The following USP15 variants were observed in gnomAD, a reference collection of about 807,000 sequenced individuals.
USP15 encodes the protein ubiquitin carboxyl-terminal hydrolase 15.
In USP15, 18 loss-of-function variants were observed where a neutral mutation model predicts 127.1. The observed-to-expected ratio is 0.14, with a 90% CI of 0.10 to 0.21. USP15 has a LOEUF of 0.21. USP15 is among the 10% of genes least tolerant of loss of function. USP15 has a pLI of 1.00. For missense variants in USP15, 805 were observed against 1,159.9 expected, an observed-to-expected ratio of 0.69 and a Z score of 4.44; for synonymous variants, 364 against 393.7, an observed-to-expected ratio of 0.92 and a Z score of 0.89.
At chr12:62,372,080 A>T (rs2066690710) in intron 8 of USP15, among the ~76,000 whole-genome samples, 1 of 152,172 alleles carries the variant, frequency 6.6e-6, no homozygotes, top group South Asian at 2.1e-4. Flanking sequence ...TCTTTCACAC[A>T]CCTGGTTTGC....
chr12:62,312,095 T>A (rs1413093192), intron 3 of USP15, among the ~76,000 whole-genome samples: 1 of 151,756 alleles, frequency 6.6e-6, no homozygotes, highest in Non-Finnish European at 1.5e-5. Context: ...CGTTATCTGT[T>A]CTCACTCAGG....
At chr12:62,350,832 C>T (rs2065947248) in intron 7 of USP15, among the ~76,000 whole-genome samples, 2 of 152,068 alleles carry the variant, frequency 1.3e-5, no homozygotes, top group Non-Finnish European at 1.5e-5. Context: ...CACTATGTTG[C>T]CCATGCTGGT....
At chr12:62,381,405 A>G (rs549998988) in intron 8 of USP15, 85 bp from the exon 9 acceptor site, 321 of 1,204,960 alleles carry the variant, frequency 2.7e-4, no homozygotes, top group Middle Eastern at 5.8e-4. Context: ...TAGCAAATCA[A>G]TTTGTTTCTC....
rs180736931 is a variant in USP15, at chr12:62,342,675, G to A, written c.684-6546G>A. On this transcript the variant is annotated intron_variant, in intron 6 of 21. Coordinates refer to ENST00000280377, the MANE Select transcript of USP15 (RefSeq NM_001252078.2). ...CGGGCCCCTCTTCTGCAGGTCTGCT[G>A]CAGTTTGCTGGAGGTCTACTCCAGA... Among the ~76,000 whole-genome samples the A allele has an allele frequency of 2.6e-5, 4 of 152,244 alleles. No individual in the cohort carries two copies. In the East Asian group the frequency reaches 7.8e-4, roughly 30 times the overall value.
At chr12:62,401,705 A>G (rs902102517) in intron 21 of USP15, among the ~76,000 whole-genome samples, 2 of 151,822 alleles carry the variant, frequency 1.3e-5, no homozygotes, top group African/African-American at 4.8e-5. Context: ...ACTCAAAATG[A>G]CATAATTAGA....
intron 2 of USP15, 58 bp downstream of exon 2, chr12:62,294,364 G>A (rs557709858): frequency 8.0e-5 from 124 of 1,558,950 alleles, no homozygotes; most frequent in Non-Finnish European, 9.6e-5. Flanking sequence ...TTATATAAAT[G>A]TCAGTGGGTT....
At chr12:62,394,426 A>G (rs1212388836) in intron 19 of USP15, among the ~76,000 whole-genome samples, 1 of 152,240 alleles carries the variant, frequency 6.6e-6, no homozygotes, top group Non-Finnish European at 1.5e-5. Flanking sequence ...TACTCATTCT[A>G]ATTGGTGGCT....
At chr12:62,393,497 A>G (rs1450350972) in intron 19 of USP15, 1 of 227,240 alleles carries the variant, frequency 4.4e-6, no homozygotes. Context: ...TAAATCTAAG[A>G]TACTTTATGG....
intron 7 of USP15, among the ~76,000 whole-genome samples, chr12:62,350,437 G>A (rs1357284590): frequency 6.6e-6 from 1 of 152,016 alleles, no homozygotes; most frequent in African/African-American, 2.4e-5. Context: ...TCATATCTGA[G>A]AATTCTTCTC....
intron 8 of USP15, among the ~76,000 whole-genome samples, chr12:62,362,027 A>G (rs1357269834): frequency 1.3e-5 from 2 of 151,954 alleles, no homozygotes; most frequent in Non-Finnish European, 2.9e-5. Context: ...ATTTTTTTAT[A>G]TTGTTTTTCA....
chr12:62,370,833 T>TA (rs922408507), intron 8 of USP15, among the ~76,000 whole-genome samples: 5 of 152,194 alleles, frequency 3.3e-5, no homozygotes, highest in Non-Finnish European at 7.4e-5. Context: ...ACATGTAACT[T>TA]AAACTCAAGA....
At chr12:62,360,870 C>T (rs1310250800) in intron 8 of USP15, among the ~76,000 whole-genome samples, 1 of 151,754 alleles carries the variant, frequency 6.6e-6, no homozygotes, top group East Asian at 1.9e-4. Context: ...ATGTTATGTG[C>T]CAGAAATTAC....
At chr12:62,391,514 C>T (rs964856103) in intron 16 of USP15, 85 bp downstream of exon 16, 2 of 1,510,920 alleles carry the variant, frequency 1.3e-6, no homozygotes, top group Non-Finnish European at 1.8e-6. Flanking sequence ...AAATTCAGCT[C>T]TGTCAAGAAA....
chr12:62,269,117 C>A (rs1161970184), intron 1 of USP15, among the ~76,000 whole-genome samples: 2 of 152,090 alleles, frequency 1.3e-5, no homozygotes, highest in African/African-American at 4.8e-5. Context: ...AGTCATGAGT[C>A]ACTTAATGAC....
intron 3 of USP15, 47 bp from the exon 4 acceptor site, chr12:62,314,743 A>C (rs757065602): frequency 7.0e-7 from 1 of 1,424,928 alleles, no homozygotes; most frequent in Admixed American, 2.6e-5. Context: ...TTAGAGTGAA[A>C]TATATTGATA....
At chr12:62,396,629 G>T (rs573784311) in intron 20 of USP15, among the ~76,000 whole-genome samples, 27 of 151,562 alleles carry the variant, frequency 1.8e-4, no homozygotes, top group African/African-American at 6.3e-4. Context: ...AGGGAATGTT[G>T]TCCCATTTAG....
At chr12:62,292,554 G>A (rs994490674) in intron 1 of USP15, among the ~76,000 whole-genome samples, 1 of 152,306 alleles carries the variant, frequency 6.6e-6, no homozygotes, top group African/African-American at 2.4e-5. Flanking sequence ...CAATTACTGT[G>A]TCTGCAGCAG....
At chr12:62,397,651 G>A (rs1034667664) in intron 20 of USP15, among the ~76,000 whole-genome samples, 1 of 151,620 alleles carries the variant, frequency 6.6e-6, no homozygotes, top group Non-Finnish European at 1.5e-5. Context: ...GAGGCCATGA[G>A]ATCAAGACCA....
chr12:62,327,482 G>A (rs2065160646), intron 6 of USP15, among the ~76,000 whole-genome samples: 1 of 151,952 alleles, frequency 6.6e-6, no homozygotes, highest in African/African-American at 2.4e-5. Flanking sequence ...TTTCCTAAAT[G>A]TTTAGATTGC....
Sources: allele counts gnomAD v4.1 joint callset (sites outside exome capture counted in the v4.1 genomes callset), GRCh38; gene constraint gnomAD v4.1.1; transcripts MANE v1.5; gene names NCBI Gene and HGNC (gene_info 2026-07-23, HGNC 2026-07-21).